STIM2: variants seen among roughly 807,000 people sequenced by gnomAD.
The protein encoded by STIM2 is stromal interaction molecule 2.
In STIM2, 31 loss-of-function variants were observed where a neutral mutation model predicts 85.8. The ratio of observed to expected loss-of-function variants is 0.36; its 90% CI spans 0.27 to 0.49. The LOEUF (loss-of-function observed/expected upper bound fraction) is 0.49, where lower values mean the gene tolerates loss of function less well. STIM2 is among the 20% of genes least tolerant of loss of function. The pLI is 0.98. For missense variants in STIM2, 841 were observed against 927.6 expected, an observed-to-expected ratio of 0.91 and a Z score of 1.21; for synonymous variants, 356 against 331.1, an observed-to-expected ratio of 1.08 and a Z score of -0.82.
At position 27,018,108 on chromosome 4, in the gene STIM2, T is replaced by C. The variant is rs1042371918; in HGVS notation, c.1763+124T>C. The C allele has an allele frequency of 2.7e-5, 37 of 1,393,506 alleles. No individual in the cohort carries two copies. The African/African-American group carries it at 4.7e-4, about 18-fold the overall frequency. 86.3% of individuals were successfully genotyped at this position (1,393,506 alleles called of 1,614,324 possible). On this transcript the variant is annotated intron_variant, in intron 11 of 11. Transcript: ENST00000467087. Reference sequence around the variant, plus strand: ...TGCTACATATCAAGGTACCACAGACTTTGCAGCCTCAGACATCACCCATTT... The same window carrying C: ...TGCTACATATCAAGGTACCACAGACCTTGCAGCCTCAGACATCACCCATTT...
chr4:26,974,621 G>C lies in STIM2; in HGVS notation c.397+16895G>C, dbSNP rs1305642707. ...CCAAGAGATTCGCTGTTAGTCTGAT[G>C]GGCTTCCCTTTGTGGGTAACCCGAC... On this transcript the variant is annotated intron_variant, in intron 3 of 11. Transcript: ENST00000467087. Among the ~76,000 whole-genome samples the C allele has an allele frequency of 3.3e-5, 5 of 152,282 alleles. No homozygotes were observed. The East Asian group carries it at 9.6e-4, about 29-fold the overall frequency.
chr4:26,943,143 T>C (rs1725680858), intron 2 of STIM2, among the ~76,000 whole-genome samples: 1 of 152,088 alleles, frequency 6.6e-6, no homozygotes, highest in Non-Finnish European at 1.5e-5. Context: ...ATTCATTAAT[T>C]TATTAATGGT....
At chr4:26,981,900 T>C (rs865888861) in intron 3 of STIM2, among the ~76,000 whole-genome samples, 3 of 152,186 alleles carry the variant, frequency 2.0e-5, no homozygotes, top group African/African-American at 7.2e-5. Flanking sequence ...TGTCATTTGA[T>C]GAATATAGTG....
chr4:26,933,424 G>A (rs893388786), intron 2 of STIM2, among the ~76,000 whole-genome samples: 1 of 152,174 alleles, frequency 6.6e-6, no homozygotes, highest in African/African-American at 2.4e-5. Flanking sequence ...TGATGCAAAT[G>A]TGGAGAAACC....
chr4:26,883,689 T>C (rs917358521), intron 1 of STIM2, among the ~76,000 whole-genome samples: 1 of 152,232 alleles, frequency 6.6e-6, no homozygotes, highest in South Asian at 2.1e-4. Flanking sequence ...AAAGACTCTT[T>C]GAAGGTTAAT....
At chr4:27,016,909 A>C (rs1390986301) in intron 10 of STIM2, among the ~76,000 whole-genome samples, 1 of 152,352 alleles carries the variant, frequency 6.6e-6, no homozygotes. Context: ...TTTGTATAAA[A>C]GGTTGTAGAA....
chr4:26,990,062 T>C (rs945183051), intron 3 of STIM2, among the ~76,000 whole-genome samples: 3 of 151,952 alleles, frequency 2.0e-5, no homozygotes, highest in Admixed American at 6.6e-5. Flanking sequence ...ACAATCCCTA[T>C]CAAAATACCA....
intron 2 of STIM2, among the ~76,000 whole-genome samples, chr4:26,923,098 A>AC (rs1011815348): frequency 1.1e-4 from 16 of 149,608 alleles, no homozygotes; most frequent in Admixed American, 7.4e-4. Context: ...ACTGGGAGGC[A>AC]CCCCCCAGCA....
intron 3 of STIM2, among the ~76,000 whole-genome samples, chr4:26,994,773 C>T (rs1727895412): frequency 6.6e-6 from 1 of 152,038 alleles, no homozygotes; most frequent in Non-Finnish European, 1.5e-5. Context: ...ATATTTTTCA[C>T]CCATGTCTTC....
At chr4:26,910,784 G>T (rs1006771520) in intron 1 of STIM2, among the ~76,000 whole-genome samples, 1 of 152,150 alleles carries the variant, frequency 6.6e-6, no homozygotes, top group African/African-American at 2.4e-5. Context: ...CTATAGAGAG[G>T]CTCTGAGATC....
chr4:27,004,444 T>A (rs999484887), intron 7 of STIM2, among the ~76,000 whole-genome samples: 1 of 152,136 alleles, frequency 6.6e-6, no homozygotes, highest in African/African-American at 2.4e-5. Context: ...ACTCCCTGCC[T>A]TTTTCCACCA....
intron 3 of STIM2, among the ~76,000 whole-genome samples, chr4:26,964,464 C>T (rs1726631453): frequency 6.6e-6 from 1 of 152,042 alleles, no homozygotes; most frequent in African/African-American, 2.4e-5. Context: ...TCACTATTGG[C>T]AGGAACATTA....
chr4:26,885,871 A>ATATATATATATGTATG (rs1560194736), intron 1 of STIM2, among the ~76,000 whole-genome samples: 4 of 117,894 alleles, frequency 3.4e-5, no homozygotes, highest in Non-Finnish European at 5.3e-5. Flanking sequence ...ATATATATAT[A>ATATATATATATGTATG]TATGTATATG....
chr4:26,879,344 T>A (rs1206045038), intron 1 of STIM2, among the ~76,000 whole-genome samples: 2 of 152,184 alleles, frequency 1.3e-5, no homozygotes, highest in Non-Finnish European at 2.9e-5. Context: ...TTTTTTTTTT[T>A]ACCTGCCTGT....
intron 2 of STIM2, among the ~76,000 whole-genome samples, chr4:26,930,554 G>A (rs1453820131): frequency 6.6e-6 from 1 of 151,884 alleles, no homozygotes; most frequent in Non-Finnish European, 1.5e-5. Flanking sequence ...AAAGTCCATT[G>A]TACCTAGTAT....
intron 2 of STIM2, among the ~76,000 whole-genome samples, chr4:26,953,036 A>G (rs765669705): frequency 2.0e-5 from 3 of 152,092 alleles, no homozygotes; most frequent in African/African-American, 4.8e-5. Flanking sequence ...TGAAGAACCC[A>G]TCTGTTTTAC....
intron 3 of STIM2, among the ~76,000 whole-genome samples, chr4:26,983,751 G>T (rs1727485412): frequency 6.6e-6 from 1 of 152,102 alleles, no homozygotes; most frequent in African/African-American, 2.4e-5. Context: ...TTCATTTTTT[G>T]TTGAACTCCC....
chr4:26,894,141 C>A (rs940081039), intron 1 of STIM2, among the ~76,000 whole-genome samples: 25 of 152,350 alleles, frequency 1.6e-4, no homozygotes, highest in African/African-American at 5.3e-4. Context: ...CCCGCCTCGG[C>A]CTCCCAAAGT....
chr4:27,016,882 G>C (rs539367182), intron 10 of STIM2, among the ~76,000 whole-genome samples: 1 of 152,176 alleles, frequency 6.6e-6, no homozygotes, highest in East Asian at 1.9e-4. Context: ...AATAGTGTTC[G>C]CTTCAGCAGG....
Sources: allele counts gnomAD v4.1 joint callset (sites outside exome capture counted in the v4.1 genomes callset), GRCh38; gene constraint gnomAD v4.1.1; transcripts MANE v1.5; gene names NCBI Gene and HGNC (gene_info 2026-07-23, HGNC 2026-07-21).